Variants in FGF18 observed in about 807,000 individuals in gnomAD.
FGF18 encodes the protein fibroblast growth factor 18.
A neutral mutation model predicts 23.0 loss-of-function variants in FGF18; 5 were observed. The ratio of observed to expected loss-of-function variants is 0.22; its 90% CI spans 0.11 to 0.46. FGF18 has a LOEUF of 0.46. FGF18 is among the 20% of genes least tolerant of loss of function. The probability of loss-of-function intolerance (pLI) is 0.99; values close to 1 mark genes in which losing one functional copy is unlikely to be tolerated. For synonymous variants in FGF18, 117 were observed against 118.9 expected, an observed-to-expected ratio of 0.98 and a Z score of 0.10; for missense variants, 180 against 291.6, an observed-to-expected ratio of 0.62 and a Z score of 2.79.
intron 4 of FGF18, among the ~76,000 whole-genome samples, chr5:171,453,314 G>T (rs1239693983): frequency 6.6e-6 from 1 of 152,188 alleles, no homozygotes; most frequent in East Asian, 1.9e-4. Flanking sequence ...CCCCAGGGCT[G>T]GTTCCCAAGA....
At chr5:171,421,891 GGGAAC>G (rs1202644264) in intron 2 of FGF18, among the ~76,000 whole-genome samples, 1 of 151,724 alleles carries the variant, frequency 6.6e-6, no homozygotes, top group Non-Finnish European at 1.5e-5. Context: ...GGTGGGGGTG[GGGAAC>G]GGCTGGTGTC....
At chr5:171,442,130 G>A (rs1772355309) in intron 3 of FGF18, among the ~76,000 whole-genome samples, 2 of 152,128 alleles carry the variant, frequency 1.3e-5, no homozygotes, top group Admixed American at 6.5e-5. Flanking sequence ...TGACTGACAC[G>A]GCTATGCTAG....
intron 3 of FGF18, among the ~76,000 whole-genome samples, chr5:171,448,283 TCCTGGGAGTTAGTTAC>T (rs1331999612): frequency 7.9e-5 from 12 of 152,126 alleles, no homozygotes; most frequent in Non-Finnish European, 1.6e-4. Context: ...ATTTCTGGGC[TCCTGGGAGTTAGTTAC>T]CCTTCAGCTT....
At chr5:171,446,074 T>A (rs1156350522) in intron 3 of FGF18, among the ~76,000 whole-genome samples, 1 of 152,216 alleles carries the variant, frequency 6.6e-6, no homozygotes, top group African/African-American at 2.4e-5. Flanking sequence ...CCCCAAAGAC[T>A]TTACATAATT....
At chr5:171,433,116 AC>A (rs1307207268) in intron 2 of FGF18, among the ~76,000 whole-genome samples, 1 of 151,850 alleles carries the variant, frequency 6.6e-6, no homozygotes. Flanking sequence ...ACCAGAGGCC[AC>A]CCCCGCCACC....
Position 171,434,388 on chromosome 5 carries a change from T to G in FGF18, c.70-1705T>G, listed in dbSNP as rs1174696917. Among the ~76,000 whole-genome samples the G allele has an allele frequency of 6.6e-6, 1 of 152,198 alleles. No homozygotes were observed. The highest frequency in any genetic ancestry group is 1.5e-5 in the Non-Finnish European group (1 of 68,018). On this transcript the variant is annotated intron_variant, in intron 2 of 4. Transcript: ENST00000274625. The surrounding 1 kb of genome is among the most constrained non-coding windows in gnomAD (Gnocchi z 4.6). ...CAGGTCAGCTTGGGGACAGAGATCCTGCTGTAGCAAATGAAGGAAACACAT... is the reference window on the plus strand; with the variant it reads ...CAGGTCAGCTTGGGGACAGAGATCCGGCTGTAGCAAATGAAGGAAACACAT...
intron 3 of FGF18, among the ~76,000 whole-genome samples, chr5:171,442,047 CT>C (rs1180849772): frequency 6.6e-6 from 1 of 152,170 alleles, no homozygotes; most frequent in Non-Finnish European, 1.5e-5. Flanking sequence ...ACCTAAACCC[CT>C]GCCCCTCTGA....
rs923337808 is a variant in FGF18 at position 171,420,142 on chromosome 5, G to C, written c.-58G>C. 9 of 1,366,498 alleles carry C rather than the reference G, an allele frequency of 6.6e-6. No individual in the cohort carries two copies. The Admixed American group carries it at 3.0e-4, about 45-fold the overall frequency. 84.6% of individuals were successfully genotyped at this position (1,366,498 alleles called of 1,614,324 possible). A position where few individuals can be genotyped will look rare whatever the true frequency, so the allele number is the denominator to read the frequency against. ...GCGGCGGAGGCGCCCGGTCCCGGCC[G>C]CGCGGAGCGGACATGTGCAGGCTGG... On this transcript the variant is annotated 5_prime_UTR_variant, in exon 1 of 5. Transcript: ENST00000274625.
chr5:171,425,782 G>A (rs541786235), intron 2 of FGF18, among the ~76,000 whole-genome samples: 55 of 151,874 alleles, frequency 3.6e-4, no homozygotes, highest in African/African-American at 1.1e-3. Context: ...TGCTTGCCTC[G>A]GCCTCCCAAA....
chr5:171,453,200 G>A (rs1175493467), intron 4 of FGF18, among the ~76,000 whole-genome samples: 1 of 152,188 alleles, frequency 6.6e-6, no homozygotes, highest in African/African-American at 2.4e-5. Context: ...GGGTCATAGA[G>A]GTAGCCAGGA....
intron 2 of FGF18, among the ~76,000 whole-genome samples, chr5:171,431,973 G>T (rs985372223): frequency 6.6e-6 from 1 of 152,048 alleles, no homozygotes; most frequent in African/African-American, 2.4e-5. Flanking sequence ...CACTTGAACC[G>T]GGGAGGCGGA....
chr5:171,427,310 A>T (rs1178965145), intron 2 of FGF18, among the ~76,000 whole-genome samples: 1 of 152,200 alleles, frequency 6.6e-6, no homozygotes, highest in Non-Finnish European at 1.5e-5. Context: ...ACACTCGATG[A>T]GTAATTTAGT....
intron 3 of FGF18, among the ~76,000 whole-genome samples, chr5:171,437,357 G>A (rs1015899210): frequency 7.9e-5 from 12 of 152,202 alleles, no homozygotes; most frequent in African/African-American, 1.2e-4. Flanking sequence ...GGGCCCAAGC[G>A]TGGCAGCTGC....
chr5:171,438,116 T>TTTGG (rs1772281357), intron 3 of FGF18, among the ~76,000 whole-genome samples: 1 of 141,804 alleles, frequency 7.1e-6, no homozygotes, highest in African/African-American at 2.6e-5. Context: ...TTTTTTTTTT[T>TTTGG]GAGACAGTGT....
intron 2 of FGF18, among the ~76,000 whole-genome samples, chr5:171,429,756 C>T (rs1337432828): frequency 4.6e-5 from 7 of 152,140 alleles, no homozygotes; most frequent in Non-Finnish European, 7.4e-5. Flanking sequence ...GAGGCCTGGG[C>T]GGGAGAGGCC....
At chr5:171,449,514 G>GAGGTATCC (rs1772467526) in intron 4 of FGF18, among the ~76,000 whole-genome samples, 1 of 151,968 alleles carries the variant, frequency 6.6e-6, no homozygotes, top group African/African-American at 2.4e-5. Context: ...TCACCAGGCT[G>GAGGTATCC]AGGTATCCAT....
At chr5:171,453,575 CA>C (rs1248997016) in intron 4 of FGF18, among the ~76,000 whole-genome samples, 3 of 152,172 alleles carry the variant, frequency 2.0e-5, no homozygotes, top group African/African-American at 7.2e-5. Flanking sequence ...AGGGCAGGTT[CA>C]AATCCCAGCT....
chr5:171,426,831 T>G (rs1015083029), intron 2 of FGF18, among the ~76,000 whole-genome samples: 2 of 152,228 alleles, frequency 1.3e-5, no homozygotes, highest in African/African-American at 4.8e-5. Flanking sequence ...TGGCTGTGCT[T>G]CTTGGCAGCT....
At chr5:171,421,428 C>G (rs1015967584) in intron 2 of FGF18, among the ~76,000 whole-genome samples, 20 of 152,204 alleles carry the variant, frequency 1.3e-4, no homozygotes, top group Admixed American at 9.2e-4. Context: ...GAACTGGACA[C>G]AGGTCAAAAG....
Sources: gnomAD v4.1 joint callset for allele counts (sites outside exome capture counted in the v4.1 genomes callset) on GRCh38, gnomAD v4.1.1 for gene constraint, Gnocchi (gnomAD v3.1) non-coding constraint, MANE v1.5 for transcripts, NCBI Gene and HGNC (gene_info 2026-07-23, HGNC 2026-07-21) for gene names.